The following DGKH variants were observed in gnomAD, a reference collection of about 807,000 sequenced individuals.
DGKH encodes DAG kinase eta.
Under a neutral mutation model 159.3 loss-of-function variants are expected in DGKH, and 90 were observed. The ratio of observed to expected loss-of-function variants is 0.57; its 90% CI spans 0.48 to 0.67. DGKH has a LOEUF of 0.67. Among genes scored for constraint, DGKH ranks in the 30% least tolerant of loss-of-function variants. The pLI, the probability that DGKH is intolerant of heterozygous loss-of-function variation, is 0.00. For synonymous variants in DGKH, 536 were observed against 553.8 expected (o/e 0.97, Z 0.45); for missense variants, 1,181 against 1,506.1 (o/e 0.78, Z 3.57).
intron 6 of DGKH, 46 bp from the exon 7 acceptor site, chr13:42,159,965 G>A: frequency 6.2e-7 from 1 of 1,613,792 alleles, no homozygotes; most frequent in Non-Finnish European, 8.5e-7. Flanking sequence ...GGTAAGGTTG[G>A]TGTCCGCCAG....
rs1168758860 is a variant in DGKH, at chr13:42,198,478, G to T, written c.2168G>T (p.Gly723Val). Reference sequence around the variant, plus strand: ...CATATGTGTTTGCTTTTCTTTCCAGGTTTAAGAGCAGGACTGGCTGCCTCA... The same window carrying T: ...CATATGTGTTTGCTTTTCTTTCCAGTTTTAAGAGCAGGACTGGCTGCCTCA... ...PVLNTRIICP[G>V]LRAGLAASIA... is the part of the protein sequence containing the mutation. Residue 723 changes from glycine (G) to valine (V), a missense_variant and splice_region_variant, in exon 18 of 30, where the codon GGT becomes GTT. Coordinates refer to ENST00000337343, the MANE Select transcript of DGKH (RefSeq NM_178009.5). 6.2e-7 allele frequency: 1 copy of T among 1,612,706 alleles called. No homozygotes were observed.
At chr13:42,109,858 A>T (rs2137798299) in intron 1 of DGKH, among the ~76,000 whole-genome samples, 1 of 152,326 alleles carries the variant, frequency 6.6e-6, no homozygotes, top group South Asian at 2.1e-4. Flanking sequence ...AATCTACTAG[A>T]ACTGGGTTAT....
intron 16 of DGKH, among the ~76,000 whole-genome samples, chr13:42,193,287 A>C (rs989718309): frequency 2.6e-5 from 4 of 152,242 alleles, no homozygotes; most frequent in South Asian, 2.1e-4. Context: ...CCATACTCTT[A>C]AACTTGACAC....
chr13:42,071,106 A>T, intron 1 of DGKH: 1 of 908,380 alleles, frequency 1.1e-6, no homozygotes, highest in Admixed American at 2.7e-5. Context: ...TGAAACCCTT[A>T]TGATTGCCTT....
chr13:42,125,006 C>A (rs1196089807), intron 1 of DGKH, among the ~76,000 whole-genome samples: 1 of 152,144 alleles, frequency 6.6e-6, no homozygotes, highest in Non-Finnish European at 1.5e-5. Flanking sequence ...TGCAGCTAGA[C>A]CCTCCCCTAG....
chr13:42,168,371 G>A, intron 9 of DGKH, 69 bp from the exon 10 acceptor site: 1 of 1,329,294 alleles, frequency 7.5e-7, no homozygotes, highest in Non-Finnish European at 1.0e-6. Flanking sequence ...TACTGATACA[G>A]AATAACAAAG....
Position 42,238,352 on chromosome 13 carries a change from T to C in DGKH, c.*9164T>C, listed in dbSNP as rs1268434300. On this transcript the variant is annotated 3_prime_UTR_variant, in exon 30 of 30. Coordinates refer to ENST00000337343, the MANE Select transcript of DGKH (RefSeq NM_178009.5). ...AGAGTAGATTATGGGTATTTTCATC[T>C]GTTATATTACATGTTCATATTATTC... 1 of 152,180 alleles carries C rather than the reference T, an allele frequency of 6.6e-6. No homozygotes were observed. Among genetic ancestry groups the C allele is most frequent in the African/African-American group, 2.4e-5 (1 of 41,450 alleles). The allele number at this position is 152,180 out of a possible 1,614,324, so 9.4% of individuals were successfully genotyped here.
intron 1 of DGKH, among the ~76,000 whole-genome samples, chr13:42,107,602 CT>C (rs941213289): frequency 6.6e-6 from 1 of 152,090 alleles, no homozygotes; most frequent in African/African-American, 2.4e-5. Context: ...GGAAATACAT[CT>C]GTTTTTCCTG....
intron 1 of DGKH, chr13:42,071,031 C>T: frequency 7.9e-7 from 1 of 1,263,756 alleles, no homozygotes; most frequent in Non-Finnish European, 1.1e-6. Flanking sequence ...GTTTTAAGTC[C>T]ATATACGTAG....
intron 8 of DGKH, among the ~76,000 whole-genome samples, chr13:42,165,771 A>G (rs1279164400): frequency 6.6e-6 from 1 of 152,104 alleles, no homozygotes; most frequent in Non-Finnish European, 1.5e-5. Context: ...GAAACTGCCT[A>G]TTAGCATGGC....
chr13:42,170,967 G>C (rs58363799), intron 11 of DGKH, among the ~76,000 whole-genome samples: 1 of 149,858 alleles, frequency 6.7e-6, no homozygotes, highest in African/African-American at 2.4e-5. Context: ...AAATACACCA[G>C]TTAAAAAGTC....
intron 1 of DGKH, among the ~76,000 whole-genome samples, chr13:42,063,678 G>A (rs546929696): frequency 1.2e-4 from 19 of 152,262 alleles, no homozygotes; most frequent in Admixed American, 7.2e-4. Context: ...GGTGGCTCAC[G>A]CCTGTCATCC....
chr13:42,058,132 G>A (rs986173439), intron 1 of DGKH, among the ~76,000 whole-genome samples: 2 of 152,098 alleles, frequency 1.3e-5, no homozygotes, highest in Non-Finnish European at 2.9e-5. Context: ...ACTGATTTGT[G>A]AAAGGGAACT....
intron 20 of DGKH, among the ~76,000 whole-genome samples, chr13:42,205,718 T>C (rs1466902993): frequency 6.6e-6 from 1 of 152,018 alleles, no homozygotes; most frequent in Non-Finnish European, 1.5e-5. Flanking sequence ...AATAAGTACA[T>C]AGAGGACCAC....
intron 1 of DGKH, among the ~76,000 whole-genome samples, chr13:42,061,343 C>T (rs1366438824): frequency 1.3e-5 from 2 of 152,198 alleles, no homozygotes; most frequent in South Asian, 2.1e-4. Context: ...TCCTTAGTTC[C>T]TGCAGGCATT....
At chr13:42,139,611 T>C (rs1955489227) in intron 3 of DGKH, among the ~76,000 whole-genome samples, 1 of 152,172 alleles carries the variant, frequency 6.6e-6, no homozygotes, top group Admixed American at 6.6e-5. Context: ...ACTTTTTCTG[T>C]CCTAGTCTGT....
chr13:42,186,259 C>T (rs1351429434), intron 13 of DGKH, among the ~76,000 whole-genome samples: 1 of 151,956 alleles, frequency 6.6e-6, no homozygotes, highest in African/African-American at 2.4e-5. Flanking sequence ...CAGCATAAGC[C>T]TTGGCTTTAA....
At chr13:42,185,977 T>G (rs1317094199) in intron 13 of DGKH, among the ~76,000 whole-genome samples, 2 of 146,464 alleles carry the variant, frequency 1.4e-5, no homozygotes, top group East Asian at 3.9e-4. Context: ...TGGTAGTGTG[T>G]GTGTCTGTTG....
intron 13 of DGKH, among the ~76,000 whole-genome samples, chr13:42,182,449 A>G (rs1956791160): frequency 6.7e-6 from 1 of 148,694 alleles, no homozygotes; most frequent in African/African-American, 2.6e-5. Flanking sequence ...TTGGATACCA[A>G]TATTCATAGG....
Sources: gnomAD v4.1 joint callset for allele counts (sites outside exome capture counted in the v4.1 genomes callset) on GRCh38, gnomAD v4.1.1 for gene constraint, MANE v1.5 for transcripts, NCBI Gene and HGNC (gene_info 2026-07-23, HGNC 2026-07-21) for gene names.